CNTN5: variants seen among roughly 807,000 people sequenced by gnomAD.
CNTN5 encodes the protein contactin-5.
In CNTN5, 77 loss-of-function variants were observed where a neutral mutation model predicts 129.1. The ratio of observed to expected loss-of-function variants is 0.60; its 90% CI spans 0.50 to 0.72. CNTN5 has a LOEUF of 0.72. CNTN5 is among the 30% of genes least tolerant of loss of function. The pLI, the probability that CNTN5 is intolerant of heterozygous loss-of-function variation, is 0.00. For synonymous variants in CNTN5, 509 were observed against 465.6 expected (o/e 1.09, Z -1.20); for missense variants, 1,478 against 1,328.8 (o/e 1.11, Z -1.75).
intron 17 of CNTN5, among the ~76,000 whole-genome samples, chr11:100,259,698 G>A (rs1421726786): frequency 2.0e-5 from 3 of 151,958 alleles, no homozygotes; most frequent in Non-Finnish European, 2.9e-5. Context: ...AATGACTACT[G>A]GGTAAATAAT....
Position 99,998,080 on chromosome 11 carries a change from A to T in CNTN5, c.878-3954A>T, listed in dbSNP as rs12277263. Among the ~76,000 whole-genome samples, 166 of 151,640 alleles carry T rather than the reference A, an allele frequency of 1.1e-3. 1 individual carries two copies. The highest frequency in any genetic ancestry group is 4.8e-3 in the South Asian group (23 of 4,804). On this transcript the variant is annotated intron_variant, in intron 8 of 24. Coordinates refer to ENST00000524871, the MANE Select transcript of CNTN5 (RefSeq NM_014361.4). ...ATGGGCAAAAACTGGAAGCATTCCC[A>T]TTGAAAACGGGCACAAGACAGGGAT...
At chr11:99,510,252 T>G (rs187696215) in intron 2 of CNTN5, among the ~76,000 whole-genome samples, 1 of 152,014 alleles carries the variant, frequency 6.6e-6, no homozygotes, top group Non-Finnish European at 1.5e-5. Flanking sequence ...AATGAAACAA[T>G]GAGACCTTTG....
chr11:99,176,898 A>G (rs950591666), intron 1 of CNTN5, among the ~76,000 whole-genome samples: 2 of 152,132 alleles, frequency 1.3e-5, no homozygotes, highest in South Asian at 2.1e-4. Context: ...TTCAGAGTCT[A>G]AACTCTCACA....
At chr11:99,856,717 C>T (rs1948046591) in intron 6 of CNTN5, among the ~76,000 whole-genome samples, 1 of 152,090 alleles carries the variant, frequency 6.6e-6, no homozygotes, top group Non-Finnish European at 1.5e-5. Context: ...TATTCATATC[C>T]ATAGGGACAG....
intron 4 of CNTN5, among the ~76,000 whole-genome samples, chr11:99,839,433 A>G (rs1004791554): frequency 2.0e-5 from 3 of 152,008 alleles, no homozygotes; most frequent in African/African-American, 7.2e-5. Context: ...ATTTTTTTCA[A>G]TCTAAGTTTT....
intron 18 of CNTN5, among the ~76,000 whole-genome samples, chr11:100,277,701 A>G (rs1950545017): frequency 6.6e-6 from 1 of 151,450 alleles, no homozygotes; most frequent in South Asian, 2.1e-4. Flanking sequence ...TGACTTCTTT[A>G]TATATTCTGT....
At chr11:99,065,307 G>C (rs1346763025) in intron 1 of CNTN5, among the ~76,000 whole-genome samples, 1 of 152,100 alleles carries the variant, frequency 6.6e-6, no homozygotes, top group Non-Finnish European at 1.5e-5. Flanking sequence ...GTTCTCTCCA[G>C]GGCTGTGCAA....
At chr11:100,347,565 G>A (rs1309679782) in intron 23 of CNTN5, among the ~76,000 whole-genome samples, 1 of 152,034 alleles carries the variant, frequency 6.6e-6, no homozygotes. Flanking sequence ...TTTTGGAAAT[G>A]CTGGGGAGAT....
chr11:99,284,769 A>T (rs1419226525), intron 1 of CNTN5, among the ~76,000 whole-genome samples: 1 of 151,946 alleles, frequency 6.6e-6, no homozygotes, highest in East Asian at 1.9e-4. Context: ...TCTTCATAAA[A>T]CATGGATAAT....
intron 18 of CNTN5, among the ~76,000 whole-genome samples, chr11:100,281,064 G>T (rs1950625166): frequency 6.6e-6 from 1 of 151,970 alleles, no homozygotes; most frequent in African/African-American, 2.4e-5. Flanking sequence ...TGTTGTTGTA[G>T]TTATTATTTT....
At chr11:99,826,801 C>T (rs1339613794) in intron 4 of CNTN5, among the ~76,000 whole-genome samples, 1 of 152,068 alleles carries the variant, frequency 6.6e-6, no homozygotes, top group African/African-American at 2.4e-5. Context: ...CTCCATTAAT[C>T]AGTGGAATCT....
At chr11:99,873,102 C>T (rs904280516) in intron 6 of CNTN5, among the ~76,000 whole-genome samples, 1 of 144,106 alleles carries the variant, frequency 6.9e-6, no homozygotes. Flanking sequence ...GCCACCCAGG[C>T]AGGAGCTAGA....
chr11:99,284,425 C>T (rs1591468561), intron 1 of CNTN5, among the ~76,000 whole-genome samples: 1 of 152,186 alleles, frequency 6.6e-6, no homozygotes, highest in East Asian at 1.9e-4. Flanking sequence ...AGTACCAGGT[C>T]TGTGGCTCCA....
In CNTN5 at chr11:99,398,732, CTGTT is replaced by C. The variant is rs935044797; in HGVS notation, c.-71+73250_-71+73253del. ...AATATTCCATTGTATGGATGTCAGT[CTGTT>C]TATCAATTTTTTTACTTTAAAGACC... On this transcript the variant is annotated intron_variant, in intron 2 of 24. Coordinates refer to ENST00000524871, the MANE Select transcript of CNTN5 (RefSeq NM_014361.4). 6.8e-4 allele frequency among the ~76,000 whole-genome samples: 103 copies of C among 151,848 alleles called. 1 individual carries two copies. Among genetic ancestry groups the C allele is most frequent in the African/African-American group, 2.4e-3 (99 of 41,374 alleles).
intron 1 of CNTN5, among the ~76,000 whole-genome samples, chr11:99,138,763 C>A (rs1395308922): frequency 6.6e-6 from 1 of 152,114 alleles, no homozygotes; most frequent in African/African-American, 2.4e-5. Flanking sequence ...AATAAAGCAT[C>A]TATTTGCTGA....
rs564135924 is a variant in CNTN5 at position 100,124,951 on chromosome 11, A to G, written c.1580+50657A>G. On this transcript the variant is annotated intron_variant, in intron 13 of 24. Transcript: ENST00000524871. ...AAAATTAATCTGGATGGCTTGTTGAAATACAGACGTCTGAGTCTCATCCTC... is the reference window on the plus strand; with the variant it reads ...AAAATTAATCTGGATGGCTTGTTGAGATACAGACGTCTGAGTCTCATCCTC... Among the ~76,000 whole-genome samples the G allele has an allele frequency of 4.7e-4, 71 of 152,184 alleles. 1 individual carries two copies. The South Asian group carries it at 0.014, about 31-fold the overall frequency.
intron 1 of CNTN5, among the ~76,000 whole-genome samples, chr11:99,279,812 G>T (rs1323716373): frequency 6.6e-6 from 1 of 151,572 alleles, no homozygotes; most frequent in East Asian, 1.9e-4. Flanking sequence ...CCAATCAAAA[G>T]TAACGCAGCT....
At chr11:100,072,822 A>C (rs10894398) in intron 12 of CNTN5, among the ~76,000 whole-genome samples, 62,205 of 151,690 alleles carry the variant, frequency 0.41, 13,057 homozygotes, top group African/African-American at 0.49. Flanking sequence ...TTCATTCTAA[A>C]CAATCAAATG....
At chr11:99,103,455 A>G (rs1164324505) in intron 1 of CNTN5, among the ~76,000 whole-genome samples, 1 of 152,146 alleles carries the variant, frequency 6.6e-6, no homozygotes, top group Non-Finnish European at 1.5e-5. Flanking sequence ...ATCCTTTAAA[A>G]TGTTTCTTTG....
Sources: gnomAD v4.1 joint callset for allele counts (sites outside exome capture counted in the v4.1 genomes callset) on GRCh38, gnomAD v4.1.1 for gene constraint, MANE v1.5 for transcripts, NCBI Gene and HGNC (gene_info 2026-07-23, HGNC 2026-07-21) for gene names.